Variants in PIBF1 observed in about 807,000 individuals in gnomAD.
PIBF1 encodes progesterone-induced-blocking factor 1.
In PIBF1, 90 loss-of-function variants were observed where a neutral mutation model predicts 112.5. The observed-to-expected ratio is 0.80, with a 90% CI of 0.67 to 0.95. PIBF1 has a LOEUF of 0.95. PIBF1 is among the 40% of genes least tolerant of loss of function. The pLI, the probability that PIBF1 is intolerant of heterozygous loss-of-function variation, is 0.00. For synonymous variants in PIBF1, 301 were observed against 288.6 expected (o/e 1.04, Z -0.44); for missense variants, 915 against 852.3 (o/e 1.07, Z -0.92).
chr13:72,949,407 C>T (rs1046128067), intron 14 of PIBF1, among the ~76,000 whole-genome samples: 3 of 144,426 alleles, frequency 2.1e-5, no homozygotes, highest in African/African-American at 7.6e-5. Flanking sequence ...CCTCTGCCTC[C>T]TGGGCTCAAG....
At chr13:72,886,963 T>C (rs2039882564) in intron 10 of PIBF1, among the ~76,000 whole-genome samples, 1 of 151,952 alleles carries the variant, frequency 6.6e-6, no homozygotes, top group South Asian at 2.1e-4. Context: ...TTTTTCCTAG[T>C]TTGTTTCTTT....
chr13:73,002,982 T>TGA (rs2043918598), intron 17 of PIBF1, among the ~76,000 whole-genome samples: 1 of 1,832 alleles, frequency 5.5e-4, no homozygotes, highest in Non-Finnish European at 1.4e-3. Flanking sequence ...GACTCTGGTC[T>TGA]CAAAAAAAAA....
intron 10 of PIBF1, among the ~76,000 whole-genome samples, chr13:72,857,595 T>C (rs1430725177): frequency 2.0e-5 from 3 of 152,220 alleles, no homozygotes; most frequent in African/African-American, 7.2e-5. Flanking sequence ...TCCCAACATT[T>C]TGGGAGGCCG....
chr13:72,981,017 G>A (rs1053076883), intron 16 of PIBF1, among the ~76,000 whole-genome samples: 1 of 151,832 alleles, frequency 6.6e-6, no homozygotes, highest in African/African-American at 2.4e-5. Context: ...GGCGGAAGTG[G>A]GTGGATCCCT....
intron 5 of PIBF1, among the ~76,000 whole-genome samples, chr13:72,816,882 A>T (rs1361423409): frequency 6.6e-6 from 1 of 152,152 alleles, no homozygotes; most frequent in Non-Finnish European, 1.5e-5. Flanking sequence ...AGATCTTAAC[A>T]ATGACAAGAG....
chr13:72,834,872 T>G (rs545690010), intron 8 of PIBF1, among the ~76,000 whole-genome samples: 2 of 152,280 alleles, frequency 1.3e-5, no homozygotes, highest in South Asian at 4.1e-4. Context: ...TATTCATCTC[T>G]CAACATCATC....
At chr13:72,995,300 C>CA (rs1363475945) in intron 16 of PIBF1, among the ~76,000 whole-genome samples, 16,045 of 86,556 alleles carry the variant, frequency 0.19, 1,156 homozygotes, top group Non-Finnish European at 0.24. Context: ...GACTCCGTCT[C>CA]AAAAAAAAAA....
At chr13:72,978,994 G>C (rs2043090964) in intron 16 of PIBF1, among the ~76,000 whole-genome samples, 1 of 152,102 alleles carries the variant, frequency 6.6e-6, no homozygotes, top group Admixed American at 6.6e-5. Context: ...TAGGTGTTCA[G>C]CACCAGCCTG....
chr13:72,998,905 A>G lies in PIBF1; in HGVS notation c.2133A>G (p.Pro711=), dbSNP rs1313683483. Residue 711 remains proline, a synonymous_variant, in exon 17 of 18, where the codon CCA becomes CCG. Coordinates refer to ENST00000326291, the MANE Select transcript of PIBF1 (RefSeq NM_006346.4). ...ENSLLLTKTE[P]KHVTENQKSK... ...GCTTACTTCTCACTAAAACAGAACC[A>G]AAACATGTGACAGAAAATCAGAAAT... 3 of 1,612,348 alleles carry G rather than the reference A, an allele frequency of 1.9e-6. No homozygotes were observed. The highest frequency in any genetic ancestry group is 2.5e-6 in the Non-Finnish European group (3 of 1,178,658).
intron 5 of PIBF1, among the ~76,000 whole-genome samples, chr13:72,802,467 T>G (rs937588533): frequency 1.3e-5 from 2 of 152,082 alleles, no homozygotes; most frequent in African/African-American, 4.8e-5. Flanking sequence ...GGGGAAGTGG[T>G]AGATTCTGGA....
At chr13:72,821,226 A>G (rs1369252666) in intron 5 of PIBF1, among the ~76,000 whole-genome samples, 1 of 152,168 alleles carries the variant, frequency 6.6e-6, no homozygotes, top group Non-Finnish European at 1.5e-5. Flanking sequence ...ACCAGATTGT[A>G]AAGAACCTTG....
chr13:72,940,364 C>T (rs2041979427), intron 14 of PIBF1, among the ~76,000 whole-genome samples: 1 of 152,008 alleles, frequency 6.6e-6, no homozygotes, highest in Non-Finnish European at 1.5e-5. Flanking sequence ...ATTGGATCTT[C>T]TTTGTGTCTT....
rs559722213 is a variant in PIBF1, at chr13:72,992,021, G to A, written c.2050-6801G>A. Among the ~76,000 whole-genome samples, 28 of 152,090 alleles carry A rather than the reference G, an allele frequency of 1.8e-4. No individual in the cohort carries two copies. The South Asian group carries it at 2.9e-3, about 16-fold the overall frequency. On this transcript the variant is annotated intron_variant, in intron 16 of 17. Coordinates refer to ENST00000326291, the MANE Select transcript of PIBF1 (RefSeq NM_006346.4). ...GCGTCAGCCACCGTGCCCAGCCCCCGTCTCAATTTTTTTAAAACTGTCTCA... is the reference window on the plus strand; with the variant it reads ...GCGTCAGCCACCGTGCCCAGCCCCCATCTCAATTTTTTTAAAACTGTCTCA...
chr13:72,899,783 G>A (rs1444722238), intron 11 of PIBF1, among the ~76,000 whole-genome samples: 2 of 152,014 alleles, frequency 1.3e-5, no homozygotes, highest in African/African-American at 4.8e-5. Context: ...AGAAATAAAG[G>A]GCATCCAAAT....
At chr13:72,879,551 G>T (rs1012467906) in intron 10 of PIBF1, among the ~76,000 whole-genome samples, 1 of 152,208 alleles carries the variant, frequency 6.6e-6, no homozygotes, top group Non-Finnish European at 1.5e-5. Flanking sequence ...AAAGAAGGCA[G>T]TTTTTAGAAT....
At position 72,886,591 on chromosome 13, in the gene PIBF1, A is replaced by C. The variant is rs536619306; in HGVS notation, c.1323-7193A>C. Among the ~76,000 whole-genome samples, 4 of 152,106 alleles carry C rather than the reference A, an allele frequency of 2.6e-5. No homozygotes were observed. In the East Asian group the frequency reaches 7.7e-4, roughly 29 times the overall value. On this transcript the variant is annotated intron_variant, in intron 10 of 17. Coordinates refer to ENST00000326291, the MANE Select transcript of PIBF1 (RefSeq NM_006346.4). ...TAGTACCTATTTTTTTGACTTTATA[A>C]GATGGCCAGATATTACTACATGTTG...
At chr13:72,934,725 G>A (rs1433188841) in intron 14 of PIBF1, among the ~76,000 whole-genome samples, 2 of 152,036 alleles carry the variant, frequency 1.3e-5, no homozygotes, top group African/African-American at 4.8e-5. Flanking sequence ...CTTTTTAGCA[G>A]CTTTATTGAA....
intron 10 of PIBF1, among the ~76,000 whole-genome samples, chr13:72,862,908 A>T (rs1293926535): frequency 6.6e-6 from 1 of 152,212 alleles, no homozygotes; most frequent in Non-Finnish European, 1.5e-5. Context: ...TTTTGGTTAC[A>T]AAAGATTGTA....
At chr13:72,892,404 C>T (rs2040092383) in intron 10 of PIBF1, among the ~76,000 whole-genome samples, 1 of 152,064 alleles carries the variant, frequency 6.6e-6, no homozygotes, top group Non-Finnish European at 1.5e-5. Context: ...TATCTAATGC[C>T]TATCTTCTCT....
Sources: gnomAD v4.1 joint callset for allele counts (sites outside exome capture counted in the v4.1 genomes callset) on GRCh38, gnomAD v4.1.1 for gene constraint, MANE v1.5 for transcripts, NCBI Gene and HGNC (gene_info 2026-07-23, HGNC 2026-07-21) for gene names.